MFSD6: variants seen among roughly 807,000 people sequenced by gnomAD.
MFSD6 encodes major facilitator superfamily domain containing 6.
Under a neutral mutation model 56.3 loss-of-function variants are expected in MFSD6, and 26 were observed. The observed-to-expected ratio is 0.46, with a 90% confidence interval of 0.34 to 0.64. MFSD6 has a LOEUF of 0.64. MFSD6 is among the 30% of genes least tolerant of loss of function. The pLI, the probability that MFSD6 is intolerant of heterozygous loss-of-function variation, is 0.01. For synonymous variants in MFSD6, 331 were observed against 366.9 expected (o/e 0.90, Z 1.12); for missense variants, 750 against 986.2 (o/e 0.76, Z 3.21).
Position 190,461,274 on chromosome 2 carries a change from A to C in MFSD6, c.1533-8484A>C, listed in dbSNP as rs924954356. Among the ~76,000 whole-genome samples, 1 of 152,204 alleles carries C rather than the reference A, an allele frequency of 6.6e-6. No individual in the cohort carries two copies. Among genetic ancestry groups the C allele is most frequent in the African/African-American group, 2.4e-5 (1 of 41,456 alleles). ...AAACACAGTGACTTGATGTCTGTTC[A>C]TTCTTTGAGAAAGTAGACATGCACT... On this transcript the variant is annotated intron_variant, in intron 3 of 7. Transcript: ENST00000392328. This position sits in a 1 kb window ranked among gnomAD's most constrained non-coding sequence, Gnocchi z 5.5.
At position 190,425,138 on chromosome 2, in the gene MFSD6, C is replaced by T. The variant is rs1330243994; in HGVS notation, c.-54+9725C>T. On this transcript the variant is annotated intron_variant, in intron 2 of 7. Coordinates refer to ENST00000392328, the MANE Select transcript of MFSD6 (RefSeq NM_017694.4). This position sits in a 1 kb window ranked among gnomAD's most constrained non-coding sequence, Gnocchi z 4.3. ...TAAATGGTATTATAATTTTGGTGTC[C>T]ATGTGTTCATTGCTAGTATACAGAA... Among the ~76,000 whole-genome samples the T allele has an allele frequency of 4.6e-5, 7 of 151,920 alleles. No individual in the cohort carries two copies. The highest frequency in any genetic ancestry group is 1.0e-4 in the Non-Finnish European group (7 of 68,002).
Position 190,487,209 on chromosome 2 carries a change from CG to C in MFSD6, c.1631-1445del, listed in dbSNP as rs1187457242. On this transcript the variant is annotated intron_variant, in intron 4 of 7. Transcript: ENST00000392328. This position sits in a 1 kb window ranked among gnomAD's most constrained non-coding sequence, Gnocchi z 5.5. ...TACAAAAATTAGCTGGGGGTGGTGG[CG>C]GGCACTTGTAGTCCCAGCTACTTGG... Among the ~76,000 whole-genome samples the C allele has an allele frequency of 6.6e-6, 1 of 151,670 alleles. No individual in the cohort carries two copies. The highest frequency in any genetic ancestry group is 6.6e-5 in the Admixed American group (1 of 15,238).
rs753983841 is a variant in MFSD6, at chr2:190,491,319, T to A, written c.1891+1453T>A. Reference sequence around the variant, plus strand: ...GTGGACCGAGTAGCATGTGGAGACTTGCATCATGCTTTTGCTCCAGAACTA... The same window carrying A: ...GTGGACCGAGTAGCATGTGGAGACTAGCATCATGCTTTTGCTCCAGAACTA... On this transcript the variant is annotated intron_variant, in intron 6 of 7. Coordinates refer to ENST00000392328, the MANE Select transcript of MFSD6 (RefSeq NM_017694.4). The surrounding 1 kb of genome is among the most constrained non-coding windows in gnomAD (Gnocchi z 4.2). 5.3e-5 allele frequency among the ~76,000 whole-genome samples: 8 copies of A among 152,172 alleles called. No homozygotes were observed. The highest frequency in any genetic ancestry group is 9.7e-5 in the African/African-American group (4 of 41,424).
At position 190,465,564 on chromosome 2, in the gene MFSD6, TTTGA is replaced by T. The variant is rs1244075017; in HGVS notation, c.1533-4190_1533-4187del. On this transcript the variant is annotated intron_variant, in intron 3 of 7. Transcript: ENST00000392328. This position sits in a 1 kb window ranked among gnomAD's most constrained non-coding sequence, Gnocchi z 4.6. ...TGCTCATATTCAGCATAAAAAAGAA[TTTGA>T]TTGTCTAGAAAATGATCCAGTAAAA... Among the ~76,000 whole-genome samples the T allele has an allele frequency of 6.6e-6, 1 of 152,172 alleles. No individual in the cohort carries two copies. Among genetic ancestry groups the T allele is most frequent in the Non-Finnish European group, 1.5e-5 (1 of 68,030 alleles).
rs1362819925 is a variant in MFSD6 at position 190,433,027 on chromosome 2, A to G, written c.-53-2950A>G. Reference sequence around the variant, plus strand: ...CTCAGATCTACCAAGTCTTTTACCAATTGTTTACTTTCTGCTTTCCGTAAT... The same window carrying G: ...CTCAGATCTACCAAGTCTTTTACCAGTTGTTTACTTTCTGCTTTCCGTAAT... On this transcript the variant is annotated intron_variant, in intron 2 of 7. Coordinates refer to ENST00000392328, the MANE Select transcript of MFSD6 (RefSeq NM_017694.4). The surrounding 1 kb of genome is among the most constrained non-coding windows in gnomAD (Gnocchi z 4.5). Among the ~76,000 whole-genome samples the G allele has an allele frequency of 1.3e-5, 2 of 152,172 alleles. No homozygotes were observed. The highest frequency in any genetic ancestry group is 2.1e-4 in the South Asian group (1 of 4,828).
chr2:190,474,477 A>G (rs1688159876), intron 4 of MFSD6, among the ~76,000 whole-genome samples: 1 of 152,242 alleles, frequency 6.6e-6, no homozygotes, highest in African/African-American at 2.4e-5. Flanking sequence ...AGAAATGGAT[A>G]AATTCCTTGA....
chr2:190,463,637 A>G lies in MFSD6; in HGVS notation c.1533-6121A>G, dbSNP rs1370782220. On this transcript the variant is annotated intron_variant, in intron 3 of 7. Coordinates refer to ENST00000392328, the MANE Select transcript of MFSD6 (RefSeq NM_017694.4). This position sits in a 1 kb window ranked among gnomAD's most constrained non-coding sequence, Gnocchi z 4.4. ...GGAGTTCATGACCAGCCTGGGCAACATAGTGAGACTTTGTGTCTACTAAAA... is the reference window on the plus strand; with the variant it reads ...GGAGTTCATGACCAGCCTGGGCAACGTAGTGAGACTTTGTGTCTACTAAAA... 1.3e-5 allele frequency among the ~76,000 whole-genome samples: 2 copies of G among 152,152 alleles called. No individual in the cohort carries two copies. Among genetic ancestry groups the G allele is most frequent in the African/African-American group, 4.8e-5 (2 of 41,434 alleles).
At chr2:190,422,426 G>A (rs1685653874) in intron 2 of MFSD6, among the ~76,000 whole-genome samples, 1 of 151,932 alleles carries the variant, frequency 6.6e-6, no homozygotes, top group Non-Finnish European at 1.5e-5. Context: ...TTATCCTTTT[G>A]TTCTGGTGGA....
rs372369802 is a variant in MFSD6 at position 190,423,244 on chromosome 2, A to C, written c.-54+7831A>C. 4.6e-5 allele frequency among the ~76,000 whole-genome samples: 7 copies of C among 152,180 alleles called. No homozygotes were observed. Among genetic ancestry groups the C allele is most frequent in the Admixed American group, 3.9e-4 (6 of 15,276 alleles). On this transcript the variant is annotated intron_variant, in intron 2 of 7. Coordinates refer to ENST00000392328, the MANE Select transcript of MFSD6 (RefSeq NM_017694.4). The surrounding 1 kb of genome is among the most constrained non-coding windows in gnomAD (Gnocchi z 4.3). The stretch of plus-strand genomic sequence containing the variant: ...AGAACATTTCTCTCTGTCGCCACCA[A>C]GGTCCCTCATGTTGCCCTTGTATAG...
In MFSD6 at chr2:190,447,042, C is replaced by CAGAGAAA. The variant is rs373565263; in HGVS notation, c.1532+9483_1532+9489dup. ...ATGTTTAGCACAATCCTAAATGTTT[C>CAGAGAAA]AGAGAAAACTAAAAATATGCAGTCT... On this transcript the variant is annotated intron_variant, in intron 3 of 7. Coordinates refer to ENST00000392328, the MANE Select transcript of MFSD6 (RefSeq NM_017694.4). This position sits in a 1 kb window ranked among gnomAD's most constrained non-coding sequence, Gnocchi z 4.5. Among the ~76,000 whole-genome samples, 35 of 151,986 alleles carry CAGAGAAA rather than the reference C, an allele frequency of 2.3e-4. No individual in the cohort carries two copies. Among genetic ancestry groups the CAGAGAAA allele is most frequent in the African/African-American group, 8.2e-4 (34 of 41,360 alleles).
At position 190,463,413 on chromosome 2, in the gene MFSD6, A is replaced by C. The variant is rs925958792; in HGVS notation, c.1533-6345A>C. ...ATCAAGTGCTTGTGCTGAGCACAGGAGTCTCCACTCTAATCAGCAGCTGAT... is the reference window on the plus strand; with the variant it reads ...ATCAAGTGCTTGTGCTGAGCACAGGCGTCTCCACTCTAATCAGCAGCTGAT... On this transcript the variant is annotated intron_variant, in intron 3 of 7. Transcript: ENST00000392328. This position sits in a 1 kb window ranked among gnomAD's most constrained non-coding sequence, Gnocchi z 4.4. Among the ~76,000 whole-genome samples, 7 of 152,326 alleles carry C rather than the reference A, an allele frequency of 4.6e-5. No individual in the cohort carries two copies. In the South Asian group the frequency reaches 1.4e-3, roughly 32 times the overall value.
At chr2:190,455,816 A>G (rs539370378) in intron 3 of MFSD6, among the ~76,000 whole-genome samples, 2 of 152,018 alleles carry the variant, frequency 1.3e-5, no homozygotes, top group East Asian at 3.9e-4. Context: ...GGTTGGAAAA[A>G]ACTATATCAG....
chr2:190,456,086 A>G lies in MFSD6; in HGVS notation c.1533-13672A>G, dbSNP rs956730193. On this transcript the variant is annotated intron_variant, in intron 3 of 7. Coordinates refer to ENST00000392328, the MANE Select transcript of MFSD6 (RefSeq NM_017694.4). This position sits in a 1 kb window ranked among gnomAD's most constrained non-coding sequence, Gnocchi z 5.4. Reference sequence around the variant, plus strand: ...CTCTCTTGTAGCTGGGATTACAGGCATGCATCACCATGCCCAGCTAATTTT... The same window carrying G: ...CTCTCTTGTAGCTGGGATTACAGGCGTGCATCACCATGCCCAGCTAATTTT... 6.6e-5 allele frequency among the ~76,000 whole-genome samples: 10 copies of G among 151,554 alleles called. No homozygotes were observed. Among genetic ancestry groups the G allele is most frequent in the African/African-American group, 2.4e-4 (10 of 41,244 alleles).
chr2:190,482,932 C>T lies in MFSD6; in HGVS notation c.1631-5725C>T, dbSNP rs182131006. On this transcript the variant is annotated intron_variant, in intron 4 of 7. Transcript: ENST00000392328. Reference sequence around the variant, plus strand: ...CGGAGTCTCACTCTGTCGCCCAGGCCGGACTGCGGACTGCAGTGGCGCAAT... The same window carrying T: ...CGGAGTCTCACTCTGTCGCCCAGGCTGGACTGCGGACTGCAGTGGCGCAAT... 5.0e-3 allele frequency among the ~76,000 whole-genome samples: 634 copies of T among 126,102 alleles called. 8 individuals carry two copies. Among genetic ancestry groups the T allele is most frequent in the South Asian group, 6.0e-3 (23 of 3,860 alleles). 82.7% of individuals were successfully genotyped at this position (126,102 alleles called of 152,430 possible). A position where few individuals can be genotyped will look rare whatever the true frequency, so the allele number is the denominator to read the frequency against.
intron 2 of MFSD6, among the ~76,000 whole-genome samples, chr2:190,419,029 T>C (rs1690904465): frequency 6.6e-6 from 1 of 152,256 alleles, no homozygotes; most frequent in South Asian, 2.1e-4. Flanking sequence ...AAAATAGTCA[T>C]TCATCTTTGC....
At chr2:190,428,012 G>A (rs1685837445) in intron 2 of MFSD6, among the ~76,000 whole-genome samples, 1 of 152,190 alleles carries the variant, frequency 6.6e-6, no homozygotes, top group South Asian at 2.1e-4. Flanking sequence ...GATTACAGGC[G>A]TGAGCCACTG....
chr2:190,437,411 A>G lies in MFSD6; in HGVS notation c.1382A>G (p.Tyr461Cys). Residue 461 changes from tyrosine (Y) to cysteine (C), a missense_variant, in exon 3 of 8, where the codon TAT becomes TGT. Tyr to Cys is a radical substitution (Grantham distance 194). Coordinates refer to ENST00000392328, the MANE Select transcript of MFSD6 (RefSeq NM_017694.4). The surrounding 1 kb of genome is among the most constrained non-coding windows in gnomAD (Gnocchi z 5.9). Reference protein sequence around the residue: ...LFVAWFMGFGYGFVFTFLYWH... With the variant: ...LFVAWFMGFGCGFVFTFLYWH... ...GTGGCTTGGTTCATGGGTTTTGGAT[A>G]TGGCTTCGTGTTCACCTTTCTCTAC... is the stretch of plus-strand genomic sequence containing the variant. 2 of 1,614,216 alleles carry G rather than the reference A, an allele frequency of 1.2e-6. No homozygotes were observed. Among genetic ancestry groups the G allele is most frequent in the Non-Finnish European group, 1.7e-6 (2 of 1,180,046 alleles).
chr2:190,431,959 A>G lies in MFSD6; in HGVS notation c.-53-4018A>G, dbSNP rs1686019244. Among the ~76,000 whole-genome samples, 1 of 152,206 alleles carries G rather than the reference A, an allele frequency of 6.6e-6. No homozygotes were observed. Among genetic ancestry groups the G allele is most frequent in the African/African-American group, 2.4e-5 (1 of 41,446 alleles). On this transcript the variant is annotated intron_variant, in intron 2 of 7. Coordinates refer to ENST00000392328, the MANE Select transcript of MFSD6 (RefSeq NM_017694.4). The surrounding 1 kb of genome is among the most constrained non-coding windows in gnomAD (Gnocchi z 4.4). ...ATAATCTTCTCTTATTTCTGAAGAT[A>G]ATCATATATTCAAAAGTATTTTCCT...
Position 190,482,903 on chromosome 2 carries a change from T to TTTTTTTTTTTTTCTTTTTTTTTTG in MFSD6, c.1631-5754_1631-5753insTTTTTTTTTTTTCTTTTTTTTTTG, listed in dbSNP as rs544591315. The stretch of plus-strand genomic sequence containing the variant: ...TTTTTTTTTTTTTTTTTTTTTTTTT[T>TTTTTTTTTTTTTCTTTTTTTTTTG]AGACGGAGTCTCACTCTGTCGCCCA... On this transcript the variant is annotated intron_variant, in intron 4 of 7. Coordinates refer to ENST00000392328, the MANE Select transcript of MFSD6 (RefSeq NM_017694.4). 2.3e-5 allele frequency among the ~76,000 whole-genome samples: 2 copies of TTTTTTTTTTTTTCTTTTTTTTTTG among 86,228 alleles called. 1 individual carries two copies. The highest frequency in any genetic ancestry group is 4.3e-5 in the Non-Finnish European group (2 of 46,510). The allele number at this position is 86,228 out of a possible 152,430, so 56.6% of individuals were successfully genotyped here. A position where few individuals can be genotyped will look rare whatever the true frequency, so the allele number is the denominator to read the frequency against.
Sources: allele counts gnomAD v4.1 joint callset (sites outside exome capture counted in the v4.1 genomes callset), GRCh38; gene constraint gnomAD v4.1.1; non-coding constraint Gnocchi (gnomAD v3.1); transcripts MANE v1.5; gene names NCBI Gene and HGNC (gene_info 2026-07-23, HGNC 2026-07-21).